Variants in CLEC12A observed in about 807,000 individuals in gnomAD.
CLEC12A encodes C-type lectin protein CLL-1.
A neutral mutation model predicts 26.5 loss-of-function variants in CLEC12A; 22 were observed. The ratio of observed to expected loss-of-function variants is 0.83; its 90% confidence interval spans 0.59 to 1.19. The LOEUF is 1.19. Among genes scored for constraint, CLEC12A ranks in the 50% most tolerant of loss-of-function variants. The pLI is 0.00. For synonymous variants in CLEC12A, 119 were observed against 101.9 expected (o/e 1.17, Z -1.01); for missense variants, 353 against 315.6 (o/e 1.12, Z -0.90).
intron 4 of CLEC12A, among the ~76,000 whole-genome samples, 158 bp from the exon 5 acceptor site, chr12:9,981,862 G>A (rs1476787034): frequency 6.6e-6 from 1 of 152,030 alleles, no homozygotes; most frequent in African/African-American, 2.4e-5. Flanking sequence ...TTTGTAGTAA[G>A]GAGTACTTTC....
chr12:9,951,309 T>C (rs1247558601), upstream of CLEC12A: 5 of 702,826 alleles, frequency 7.1e-6, no homozygotes, highest in African/African-American at 7.0e-5. Context: ...ACATTTCTGA[T>C]TGCCTAGGAA....
chr12:9,986,692 T>C (rs1173363738), downstream of CLEC12A, among the ~76,000 whole-genome samples: 1 of 152,040 alleles, frequency 6.6e-6, no homozygotes, highest in African/African-American at 2.4e-5. Flanking sequence ...ACGCCTACAG[T>C]CCCAGCTACT....
At chr12:9,981,898 ATAGTAG>A in intron 4 of CLEC12A, 116 bp from the exon 5 acceptor site, 1 of 537,936 alleles carries the variant, frequency 1.9e-6, no homozygotes, top group African/African-American at 2.0e-5. Flanking sequence ...ATGACATTTA[ATAGTAG>A]TAGTGCAATG....
At chr12:9,970,014 A>G (rs2137132606), upstream of CLEC12A, among the ~76,000 whole-genome samples, 1 of 152,360 alleles carries the variant, frequency 6.6e-6, no homozygotes, top group South Asian at 2.1e-4. Context: ...AGGATGAAGT[A>G]ATCATGTTTT....
At chr12:9,976,616 T>C (rs1257409026) in intron 1 of CLEC12A, among the ~76,000 whole-genome samples, 1 of 152,176 alleles carries the variant, frequency 6.6e-6, no homozygotes, top group Non-Finnish European at 1.5e-5. Context: ...CTGTGGACTT[T>C]TGAGTTAATG....
At chr12:9,981,515 C>T (rs1453221928) in intron 4 of CLEC12A, among the ~76,000 whole-genome samples, 1 of 152,148 alleles carries the variant, frequency 6.6e-6, no homozygotes, top group East Asian at 1.9e-4. Flanking sequence ...GTGACCCATT[C>T]ACAGTTACTT....
the CLEC12A span, among the ~76,000 whole-genome samples, chr12:10,003,358 TG>T: frequency 6.6e-6 from 1 of 152,196 alleles, no homozygotes; most frequent in Non-Finnish European, 1.5e-5. Context: ...GCAGAGCATT[TG>T]TTACAAACAG....
intron 1 of CLEC12A, among the ~76,000 whole-genome samples, chr12:9,977,143 A>C (rs1864371332): frequency 6.6e-6 from 1 of 152,228 alleles, no homozygotes; most frequent in African/African-American, 2.4e-5. Flanking sequence ...ACAAATGTGC[A>C]TATCTACCAA....
downstream of CLEC12A, chr12:9,996,643 T>G: frequency 1.5e-6 from 1 of 683,138 alleles, no homozygotes. Flanking sequence ...TCAATTTGAC[T>G]GATCAACTCT....
intron 5 of CLEC12A, among the ~76,000 whole-genome samples, chr12:9,984,494 G>A (rs912147743): frequency 2.0e-5 from 3 of 151,960 alleles, no homozygotes; most frequent in Non-Finnish European, 4.4e-5. Context: ...ATTATAAAAA[G>A]CACTTGAGGG....
intron 1 of CLEC12A, among the ~76,000 whole-genome samples, chr12:9,965,111 G>A (rs947412566): frequency 6.6e-6 from 1 of 152,168 alleles, no homozygotes; most frequent in South Asian, 2.1e-4. Context: ...GGCATAGTTT[G>A]TGATTTTTTG....
downstream of CLEC12A, chr12:9,999,349 G>A: frequency 2.9e-6 from 1 of 345,740 alleles, no homozygotes. Flanking sequence ...TAAAGGAGTA[G>A]ATAAGGTATT....
At chr12:9,998,012 T>C (rs1865093034), downstream of CLEC12A, among the ~76,000 whole-genome samples, 1 of 151,924 alleles carries the variant, frequency 6.6e-6, no homozygotes, top group African/African-American at 2.4e-5. Flanking sequence ...TTTTTAAAAA[T>C]AGTTTGGATC....
intron 5 of CLEC12A, chr12:9,984,104 T>C (rs929594604): frequency 5.8e-5 from 14 of 241,372 alleles, no homozygotes; most frequent in Admixed American, 2.6e-4. Context: ...ATGTATGATA[T>C]ATATATGTGT....
Position 9,984,943 on chromosome 12 carries a change from C to T in CLEC12A, c.715C>T (p.His239Tyr). Reference sequence around the variant, plus strand: ...AAATAGACTATATGTTCAATATTATCACTGCACTTATAAAAAAAGAATGAT... The same window carrying T: ...AAATAGACTATATGTTCAATATTATTACTGCACTTATAAAAAAAGAATGAT... ...YINRLYVQYY[H>Y]CTYKKRMICE... The change falls in exon 6 of 6, where the codon CAC becomes TAC. Residue 239 changes from histidine to tyrosine, a missense_variant. Physicochemically the swap from His to Tyr is moderately conservative, Grantham distance 83 (BLOSUM62 2). Transcript: ENST00000304361. 2 of 1,577,320 alleles carry T rather than the reference C, an allele frequency of 1.3e-6. No individual in the cohort carries two copies. Among genetic ancestry groups the T allele is most frequent in the Non-Finnish European group, 1.7e-6 (2 of 1,158,362 alleles).
downstream of CLEC12A, among the ~76,000 whole-genome samples, chr12:9,988,769 C>CT (rs1223250767): frequency 6.6e-5 from 10 of 152,054 alleles, no homozygotes; most frequent in South Asian, 2.1e-4. Context: ...GTTGGTGGGA[C>CT]GTAAACTAGT....
intron 1 of CLEC12A, among the ~76,000 whole-genome samples, chr12:9,954,380 AG>A (rs1863707677): frequency 1.3e-5 from 2 of 152,102 alleles, no homozygotes; most frequent in Admixed American, 1.3e-4. Flanking sequence ...CTGTAGTCCC[AG>A]CTACTCAGGA....
chr12:9,951,589 T>A, intron 1 of CLEC12A: 9 of 527,070 alleles, frequency 1.7e-5, no homozygotes, highest in Non-Finnish European at 2.7e-5. Context: ...TTTGAGAAAT[T>A]CCGAAGGAAT....
chr12:9,976,512 A>G (rs1864342707), intron 1 of CLEC12A, among the ~76,000 whole-genome samples: 2 of 152,126 alleles, frequency 1.3e-5, no homozygotes, highest in African/African-American at 4.8e-5. Flanking sequence ...GTATTTATCC[A>G]ATGCCTGTAC....
Sources: allele counts gnomAD v4.1 joint callset (sites outside exome capture counted in the v4.1 genomes callset), GRCh38; gene constraint gnomAD v4.1.1; transcripts MANE v1.5; gene names NCBI Gene and HGNC (gene_info 2026-07-23, HGNC 2026-07-21).